Variants in CACNA2D3 observed in about 807,000 individuals in gnomAD.
CACNA2D3 encodes the protein calcium voltage-gated channel auxiliary subunit alpha2delta 3.
Under a neutral mutation model 160.6 loss-of-function variants are expected in CACNA2D3, and 60 were observed. The observed-to-expected ratio is 0.37, with a 90% confidence interval of 0.30 to 0.46. The LOEUF (loss-of-function observed/expected upper bound fraction) is 0.46. Among genes scored for constraint, CACNA2D3 ranks in the 20% least tolerant of loss-of-function variants. The pLI is 1.00. For missense variants in CACNA2D3, 1,205 were observed against 1,365.0 expected, an observed-to-expected ratio of 0.88 and a Z score of 1.85; for synonymous variants, 558 against 492.9, an observed-to-expected ratio of 1.13 and a Z score of -1.75.
chr3:54,125,969 A>G (rs529907571), intron 2 of CACNA2D3, among the ~76,000 whole-genome samples: 1 of 152,362 alleles, frequency 6.6e-6, no homozygotes, highest in East Asian at 1.9e-4. Flanking sequence ...AATGAGTTAG[A>G]AAATTTGGCT....
intron 2 of CACNA2D3, among the ~76,000 whole-genome samples, chr3:54,265,553 TGTGTATA>T (rs1358863602): frequency 0.044 from 4,738 of 108,696 alleles, 251 homozygotes; most frequent in African/African-American, 0.15. Flanking sequence ...TGTGTGTGTG[TGTGTATA>T]GTGTGTATAT....
At chr3:54,391,430 C>T (rs971444844) in intron 4 of CACNA2D3, among the ~76,000 whole-genome samples, 1 of 152,032 alleles carries the variant, frequency 6.6e-6, no homozygotes, top group African/African-American at 2.4e-5. Context: ...CATGTGTGAA[C>T]AAACCAAAAT....
At chr3:54,748,601 G>A (rs565733150) in intron 11 of CACNA2D3, among the ~76,000 whole-genome samples, 65 of 151,994 alleles carry the variant, frequency 4.3e-4, no homozygotes, top group African/African-American at 1.5e-3. Context: ...CCTTTGAGCT[G>A]CATTAATGAA....
intron 13 of CACNA2D3, among the ~76,000 whole-genome samples, chr3:54,813,535 T>A (rs986273359): frequency 6.6e-6 from 1 of 152,168 alleles, no homozygotes; most frequent in African/African-American, 2.4e-5. Flanking sequence ...CTTGGGTGAT[T>A]AACATGGTGG....
intron 4 of CACNA2D3, among the ~76,000 whole-genome samples, chr3:54,429,837 C>G (rs9882285): frequency 0.25 from 38,109 of 151,948 alleles, 4,865 homozygotes; most frequent in Admixed American, 0.32. Context: ...TTTTAAATAG[C>G]CTTCTATGGA....
intron 3 of CACNA2D3, among the ~76,000 whole-genome samples, chr3:54,362,357 C>G (rs965490642): frequency 4.6e-5 from 7 of 152,184 alleles, no homozygotes; most frequent in African/African-American, 1.7e-4. Flanking sequence ...TTGTCTCAGC[C>G]CTCAGAGGCC....
chr3:54,851,550 T>TGGA (rs1010786134), intron 17 of CACNA2D3, among the ~76,000 whole-genome samples: 3 of 152,212 alleles, frequency 2.0e-5, no homozygotes, highest in East Asian at 1.9e-4. Context: ...GCAGAGTGGT[T>TGGA]GGAGGGTGGG....
chr3:54,375,916 C>T (rs2107552573), intron 3 of CACNA2D3, among the ~76,000 whole-genome samples: 1 of 152,102 alleles, frequency 6.6e-6, no homozygotes, highest in Middle Eastern at 3.4e-3. Context: ...GGAGGGAGAG[C>T]CCACAGGAAT....
In CACNA2D3 at chr3:55,050,983, G is replaced by A. The variant is rs1339579868; in HGVS notation, c.2988-22462G>A. On this transcript the variant is annotated intron_variant, in intron 35 of 37. Transcript: ENST00000474759. ...CTCCTTTAAGCACTTCTCTGTATTG[G>A]TTATTCTAGTTATACATTCTTCTAA... Among the ~76,000 whole-genome samples, 8 of 140,544 alleles carry A rather than the reference G, an allele frequency of 5.7e-5. No homozygotes were observed. The East Asian group carries it at 1.7e-3, about 29-fold the overall frequency. 92.2% of individuals were successfully genotyped at this position (140,544 alleles called of 152,430 possible). A position where few individuals can be genotyped will look rare whatever the true frequency, so the allele number is the denominator to read the frequency against.
At chr3:55,009,272 C>G (rs1176622846) in intron 33 of CACNA2D3, 116 bp from the exon 34 acceptor site, 6 of 880,436 alleles carry the variant, frequency 6.8e-6, no homozygotes, top group Non-Finnish European at 1.1e-5. Flanking sequence ...GTTGATATCT[C>G]CAAATTGTGA....
chr3:54,944,739 T>A (rs1470733747), intron 27 of CACNA2D3, among the ~76,000 whole-genome samples: 19 of 152,182 alleles, frequency 1.2e-4, no homozygotes, highest in Non-Finnish European at 2.8e-4. Context: ...TTATTTTTTA[T>A]AGCAGCCTTT....
At chr3:54,336,538 G>A (rs1218068851) in intron 3 of CACNA2D3, among the ~76,000 whole-genome samples, 1 of 152,178 alleles carries the variant, frequency 6.6e-6, no homozygotes, top group Non-Finnish European at 1.5e-5. Flanking sequence ...GCTCATAGCT[G>A]TCTAATAATT....
chr3:55,049,114 C>G (rs1408623028), intron 35 of CACNA2D3, among the ~76,000 whole-genome samples: 2 of 151,832 alleles, frequency 1.3e-5, no homozygotes, highest in African/African-American at 2.4e-5. Context: ...CCGTTCTGCT[C>G]TGATTTTAGT....
chr3:54,311,198 A>G (rs1214976769), intron 2 of CACNA2D3, among the ~76,000 whole-genome samples: 1 of 152,086 alleles, frequency 6.6e-6, no homozygotes, highest in African/African-American at 2.4e-5. Flanking sequence ...GCTGAGGGAG[A>G]CAGAGTAGGA....
intron 2 of CACNA2D3, among the ~76,000 whole-genome samples, chr3:54,245,631 G>T (rs1702057653): frequency 6.6e-6 from 1 of 152,164 alleles, no homozygotes; most frequent in African/African-American, 2.4e-5. Context: ...TAGTGCAGTT[G>T]TTGCCTGGTA....
At chr3:54,530,179 C>A (rs944222509) in intron 5 of CACNA2D3, among the ~76,000 whole-genome samples, 5 of 152,190 alleles carry the variant, frequency 3.3e-5, no homozygotes, top group African/African-American at 7.2e-5. Context: ...TTCAGTGACA[C>A]CAATGAGACT....
chr3:54,332,907 G>A (rs191659567), intron 3 of CACNA2D3, among the ~76,000 whole-genome samples: 1 of 152,262 alleles, frequency 6.6e-6, no homozygotes, highest in East Asian at 1.9e-4. Flanking sequence ...TGGAGTTTAT[G>A]TGCTATTAGG....
chr3:54,510,925 C>G (rs1302239684), intron 5 of CACNA2D3, among the ~76,000 whole-genome samples: 1 of 152,178 alleles, frequency 6.6e-6, no homozygotes, highest in African/African-American at 2.4e-5. Flanking sequence ...GTAGGGGATG[C>G]TCTTCCCCAA....
intron 3 of CACNA2D3, among the ~76,000 whole-genome samples, chr3:54,369,013 CT>C (rs1253641572): frequency 1.3e-5 from 2 of 152,072 alleles, no homozygotes; most frequent in East Asian, 3.9e-4. Context: ...CAGTAGGGTT[CT>C]CTTATAGCTA....
Sources: gnomAD v4.1 joint callset for allele counts (sites outside exome capture counted in the v4.1 genomes callset) on GRCh38, gnomAD v4.1.1 for gene constraint, MANE v1.5 for transcripts, NCBI Gene and HGNC (gene_info 2026-07-23, HGNC 2026-07-21) for gene names.